Variants in ZDHHC22 observed in about 807,000 individuals in gnomAD.
The protein encoded by ZDHHC22 is zDHHC palmitoyltransferase 22, also known as palmitoyltransferase ZDHHC22.
A neutral mutation model predicts 17.0 loss-of-function variants in ZDHHC22; 13 were observed. That is an observed-to-expected ratio of 0.76 (90% CI 0.50 to 1.21). The LOEUF (loss-of-function observed/expected upper bound fraction) is 1.21, where lower values mean the gene tolerates loss of function less well. ZDHHC22 is among the 50% of genes most tolerant of loss of function. ZDHHC22 has a pLI of 0.00. For missense variants in ZDHHC22, 319 were observed against 342.3 expected (o/e 0.93, Z 0.54); for synonymous variants, 138 against 154.7 (o/e 0.89, Z 0.80).
rs766473697 is a variant in ZDHHC22 at position 77,139,588 on chromosome 14, C to G, written c.151G>C (p.Gly51Arg). The change falls in exon 2 of 3, where the codon GGG (glycine) becomes CGG (arginine). Residue 51 changes from glycine (G) to arginine (R), a missense_variant. Transcript: ENST00000319374. The part of the protein sequence containing the change: ...ARLFSPALLH[G>R]ALFLFLSANA... ...GCCGAGAGGAATAGGAAGAGCGCCCCGTGGAGCAGGGCGGGCGAGAAGAGC... is the reference window on the plus strand; with the variant it reads ...GCCGAGAGGAATAGGAAGAGCGCCCGGTGGAGCAGGGCGGGCGAGAAGAGC... 3.1e-6 allele frequency: 5 copies of G among 1,594,586 alleles called. No individual in the cohort carries two copies. In the South Asian group the frequency reaches 3.4e-5, roughly 11 times the overall value.
chr14:77,138,782 GAC>G (rs1441823053), intron 2 of ZDHHC22, among the ~76,000 whole-genome samples: 1 of 152,108 alleles, frequency 6.6e-6, no homozygotes, highest in Non-Finnish European at 1.5e-5. Context: ...CAGAACTGGG[GAC>G]CAGGCAGAGG....
In ZDHHC22 at chr14:77,132,339, GT is replaced by G. The variant is rs1887042956; in HGVS notation, c.*1343del. 1 of 152,342 alleles carries G rather than the reference GT, an allele frequency of 6.6e-6. No individual in the cohort carries two copies. Among genetic ancestry groups the G allele is most frequent in the South Asian group, 2.1e-4 (1 of 4,834 alleles). 9.4% of individuals were successfully genotyped at this position (152,342 alleles called of 1,614,324 possible). A position where few individuals can be genotyped will look rare whatever the true frequency, so the allele number is the denominator to read the frequency against. On this transcript the variant is annotated 3_prime_UTR_variant, in exon 3 of 3. Coordinates refer to ENST00000319374, the MANE Select transcript of ZDHHC22 (RefSeq NM_174976.2). Reference sequence around the variant, plus strand: ...TCCATCTCCCTGTCCTCAAATGTCAGTCCCCTCAACCACCCAGGTAGCCCTG... The same window carrying G: ...TCCATCTCCCTGTCCTCAAATGTCAGCCCCTCAACCACCCAGGTAGCCCTG...
intron 1 of ZDHHC22, chr14:77,141,100 G>T (rs1440138665): frequency 6.6e-6 from 1 of 152,254 alleles, no homozygotes; most frequent in Admixed American, 6.5e-5. Flanking sequence ...TCTCCCTACC[G>T]CTGGGGCGCA....
Position 77,132,303 on chromosome 14 carries a change from A to G in ZDHHC22, c.*1380T>C, listed in dbSNP as rs1887042313. 6.6e-6 allele frequency: 1 copy of G among 152,600 alleles called. No individual in the cohort carries two copies. Among genetic ancestry groups the G allele is most frequent in the Non-Finnish European group, 1.5e-5 (1 of 68,276 alleles). The allele number at this position is 152,600 out of a possible 1,614,324, so 9.5% of individuals were successfully genotyped here. On this transcript the variant is annotated 3_prime_UTR_variant, in exon 3 of 3. Transcript: ENST00000319374. ...CTGCCCCCCATGCCCTGCCACTGACAATGACACTGCTCCATCTCCCTGTCC... is the reference window on the plus strand; with the variant it reads ...CTGCCCCCCATGCCCTGCCACTGACGATGACACTGCTCCATCTCCCTGTCC...
chr14:77,135,264 C>T (rs905071162), intron 2 of ZDHHC22, among the ~76,000 whole-genome samples: 4 of 151,182 alleles, frequency 2.6e-5, no homozygotes, highest in Admixed American at 1.3e-4. Context: ...CCATATTTTG[C>T]CCTTTCCCTA....
At chr14:77,135,717 T>A (rs1887124188) in intron 2 of ZDHHC22, among the ~76,000 whole-genome samples, 1 of 152,206 alleles carries the variant, frequency 6.6e-6, no homozygotes, top group Non-Finnish European at 1.5e-5. Flanking sequence ...CAAGCTGGGA[T>A]GTGAGAACAT....
At position 77,133,624 on chromosome 14, in the gene ZDHHC22, G is replaced by A. The variant is rs1314504174; in HGVS notation, c.*59C>T. 6.4e-7 allele frequency: 1 copy of A among 1,561,824 alleles called. No homozygotes were observed. The highest frequency in any genetic ancestry group is 8.7e-7 in the Non-Finnish European group (1 of 1,153,196). ...TCATGGGTGGAGACAAGGCTGCCAT[G>A]GTTTTATGCTCAGGAGGAGTCAAGA... On this transcript the variant is annotated 3_prime_UTR_variant, in exon 3 of 3. Coordinates refer to ENST00000319374, the MANE Select transcript of ZDHHC22 (RefSeq NM_174976.2).
intron 2 of ZDHHC22, among the ~76,000 whole-genome samples, chr14:77,136,951 T>G (rs148649674): frequency 6.6e-6 from 1 of 152,298 alleles, no homozygotes; most frequent in East Asian, 1.9e-4. Flanking sequence ...ATTTATTTAT[T>G]TTTTATTTTT....
At chr14:77,135,507 A>G (rs1304425652) in intron 2 of ZDHHC22, among the ~76,000 whole-genome samples, 1 of 151,810 alleles carries the variant, frequency 6.6e-6, no homozygotes, top group African/African-American at 2.4e-5. Flanking sequence ...GGGGACAGAT[A>G]GGCCCAGCTG....
At chr14:77,137,055 C>A (rs1594830617) in intron 2 of ZDHHC22, among the ~76,000 whole-genome samples, 1 of 152,134 alleles carries the variant, frequency 6.6e-6, no homozygotes, top group African/African-American at 2.4e-5. Flanking sequence ...GTCCACCTGT[C>A]CTCCTGTGCA....
chr14:77,139,068 T>G, intron 2 of ZDHHC22, 145 bp downstream of exon 2: 1 of 935,758 alleles, frequency 1.1e-6, no homozygotes, highest in Non-Finnish European at 1.6e-6. Context: ...TATGAGTTGT[T>G]TATCTGAAAT....
intron 2 of ZDHHC22, among the ~76,000 whole-genome samples, chr14:77,135,687 T>C (rs1338448614): frequency 1.3e-5 from 2 of 152,178 alleles, no homozygotes; most frequent in Non-Finnish European, 2.9e-5. Context: ...TGAGGAATGC[T>C]GACAGGCAAA....
intron 2 of ZDHHC22, among the ~76,000 whole-genome samples, chr14:77,135,096 C>A (rs1887108537): frequency 6.6e-6 from 1 of 152,146 alleles, no homozygotes; most frequent in South Asian, 2.1e-4. Context: ...TTACCTTGAC[C>A]TACCCAGCAG....
intron 2 of ZDHHC22, among the ~76,000 whole-genome samples, chr14:77,136,956 A>T (rs1379941903): frequency 6.6e-6 from 1 of 152,028 alleles, no homozygotes. Flanking sequence ...TTTATTTTTT[A>T]TTTTTGTAGC....
rs1192369497 is a variant in ZDHHC22, at chr14:77,131,354, T to C, written c.*2329A>G. ...ACAAATGCTACTCAAGTCTCACATC[T>C]GGCAACCTCCCCACCGTCATCCCCC... is the stretch of plus-strand genomic sequence containing the variant. On this transcript the variant is annotated 3_prime_UTR_variant, in exon 3 of 3. Coordinates refer to ENST00000319374, the MANE Select transcript of ZDHHC22 (RefSeq NM_174976.2). The C allele has an allele frequency of 2.0e-5, 3 of 152,260 alleles. No individual in the cohort carries two copies. Among genetic ancestry groups the C allele is most frequent in the Non-Finnish European group, 2.9e-5 (2 of 68,094 alleles). 9.4% of individuals were successfully genotyped at this position (152,260 alleles called of 1,614,324 possible).
chr14:77,139,880 G>T, intron 1 of ZDHHC22, 128 bp from the exon 2 acceptor site: 2 of 1,025,402 alleles, frequency 2.0e-6, no homozygotes, highest in Non-Finnish European at 2.7e-6. Flanking sequence ...CTGTCCCGCG[G>T]ATTTCCCCTC....
At chr14:77,135,609 T>A (rs1044836155) in intron 2 of ZDHHC22, among the ~76,000 whole-genome samples, 1 of 152,160 alleles carries the variant, frequency 6.6e-6, no homozygotes, top group African/African-American at 2.4e-5. Context: ...TTCTTCCATG[T>A]CGGCACAGAT....
chr14:77,134,421 T>C (rs1169638097), intron 2 of ZDHHC22, among the ~76,000 whole-genome samples: 1 of 152,178 alleles, frequency 6.6e-6, no homozygotes, highest in Non-Finnish European at 1.5e-5. Flanking sequence ...ACCTTCTCCC[T>C]ACTGTTCTGG....
At chr14:77,135,440 G>T (rs1475756633) in intron 2 of ZDHHC22, among the ~76,000 whole-genome samples, 1 of 151,720 alleles carries the variant, frequency 6.6e-6, no homozygotes, top group Middle Eastern at 3.2e-3. Context: ...GCCTCCTCTT[G>T]TCCTCATCCC....
Sources: gnomAD v4.1 joint callset for allele counts (sites outside exome capture counted in the v4.1 genomes callset) on GRCh38, gnomAD v4.1.1 for gene constraint, MANE v1.5 for transcripts, NCBI Gene and HGNC (gene_info 2026-07-23, HGNC 2026-07-21) for gene names.